The following FSD1 variants were observed in gnomAD, a reference collection of about 807,000 sequenced individuals.
The protein encoded by FSD1 is fibronectin type III and SPRY domain-containing protein 1.
Under a neutral mutation model 58.2 loss-of-function variants are expected in FSD1, and 23 were observed. The observed-to-expected ratio is 0.40, with a 90% CI of 0.28 to 0.56. The LOEUF (loss-of-function observed/expected upper bound fraction) is 0.56. FSD1 is among the 20% of genes least tolerant of loss of function. The probability of loss-of-function intolerance (pLI) is 0.54; values close to 1 mark genes in which losing one functional copy is unlikely to be tolerated. For missense variants in FSD1, 563 were observed against 670.8 expected (o/e 0.84, Z 1.78); for synonymous variants, 265 against 263.4 (o/e 1.01, Z -0.06).
In FSD1 at chr19:4,323,226, A is replaced by G; in HGVS notation, c.1280A>G (p.Asp427Gly). The G allele has an allele frequency of 6.2e-7, 1 of 1,604,930 alleles. No homozygotes were observed. ...CCCGACTGCCTGGGTGTGCACTGTG[A>G]CTTCCACCAAGGTGACCCCAAGCCC... Reference protein sequence around the residue: ...PVPDCLGVHCDFHQGLLSFYN... With the variant: ...PVPDCLGVHCGFHQGLLSFYN... Residue 427 changes from aspartate to glycine, a missense_variant, in exon 11 of 13, where the codon GAC (aspartate) becomes GGC (glycine). Transcript: ENST00000221856. This position sits in a 1 kb window ranked among gnomAD's most constrained non-coding sequence, Gnocchi z 7.7.
At chr19:4,312,579 C>T (rs1220168222) in intron 7 of FSD1, among the ~76,000 whole-genome samples, 4 of 151,554 alleles carry the variant, frequency 2.6e-5, no homozygotes, top group East Asian at 2.0e-4. Context: ...CGAGGCGGGC[C>T]GATCACAAGG....
chr19:4,312,320 C>A (rs1971702488), intron 7 of FSD1, among the ~76,000 whole-genome samples: 1 of 151,682 alleles, frequency 6.6e-6, no homozygotes, highest in Non-Finnish European at 1.5e-5. Context: ...GAAACCCTAT[C>A]TCTACTAAAA....
rs1396463534 is a variant in FSD1 at position 4,306,347 on chromosome 19, C to T, written c.243+18C>T. On this transcript the variant is annotated intron_variant, in intron 3 of 12. Coordinates refer to ENST00000221856, the MANE Select transcript of FSD1 (RefSeq NM_024333.3). ...AGCTGCAGGTGAGGGCTGAGGGCAT[C>T]TTCCTCTCCCCCCGCCCCTCCTACT... 6.2e-7 allele frequency: 1 copy of T among 1,612,556 alleles called. No individual in the cohort carries two copies. The highest frequency in any genetic ancestry group is 1.7e-5 in the Admixed American group (1 of 59,978).
chr19:4,323,050 G>C lies in FSD1; in HGVS notation c.1104G>C (p.Ala368=), dbSNP rs575863653. The C allele has an allele frequency of 3.5e-5, 56 of 1,611,882 alleles. No individual in the cohort carries two copies. The Admixed American group carries it at 9.2e-4, about 26-fold the overall frequency. Residue 368 remains alanine (A), a synonymous_variant, in exon 11 of 13, where the codon GCG becomes GCC. Transcript: ENST00000221856. The surrounding 1 kb of genome is among the most constrained non-coding windows in gnomAD (Gnocchi z 7.7). ...WEVRYEPDSK[A]FGVGVAYRSL... Reference sequence around the variant, plus strand: ...TGCGCTACGAGCCGGACAGCAAGGCGTTCGGCGTGGGCGTGGCCTACCGCA... The same window carrying C: ...TGCGCTACGAGCCGGACAGCAAGGCCTTCGGCGTGGGCGTGGCCTACCGCA...
intron 4 of FSD1, among the ~76,000 whole-genome samples, chr19:4,308,205 C>G (rs577353847): frequency 6.6e-6 from 1 of 152,056 alleles, no homozygotes; most frequent in Admixed American, 6.6e-5. Context: ...GTCAGGAGTT[C>G]AAGACTAGCC....
At chr19:4,308,903 G>A (rs376643777) in intron 4 of FSD1, among the ~76,000 whole-genome samples, 42 of 147,150 alleles carry the variant, frequency 2.9e-4, no homozygotes, top group African/African-American at 9.4e-4. Context: ...GTGAAACCCC[G>A]TCTCTACTAA....
At chr19:4,312,161 G>A in intron 7 of FSD1, 110 bp downstream of exon 7, 1 of 975,166 alleles carries the variant, frequency 1.0e-6, no homozygotes, top group South Asian at 1.6e-5. Flanking sequence ...AAAGCTCATG[G>A]GGTCTGGAAG....
In FSD1 at chr19:4,323,085, G is replaced by A. The variant is rs1971721455; in HGVS notation, c.1139G>A (p.Arg380His). The A allele has an allele frequency of 6.2e-7, 1 of 1,610,176 alleles. No homozygotes were observed. Among genetic ancestry groups the A allele is most frequent in the Non-Finnish European group, 8.5e-7 (1 of 1,179,740 alleles). The change falls in exon 11 of 13, where the codon CGC becomes CAC. Residue 380 changes from arginine (R) to histidine (H), a missense_variant. Transcript: ENST00000221856. The surrounding 1 kb of genome is among the most constrained non-coding windows in gnomAD (Gnocchi z 7.7). ...GGCGTGGCCTACCGCAGCCTGGGCC[G>A]CTTCGAGCAACTGGGCAAGACGGCC... ...GVGVAYRSLGRFEQLGKTAAS... is the reference protein window; with the variant it reads ...GVGVAYRSLGHFEQLGKTAAS...
At chr19:4,308,666 A>T (rs1415218521) in intron 4 of FSD1, among the ~76,000 whole-genome samples, 1 of 152,110 alleles carries the variant, frequency 6.6e-6, no homozygotes, top group Non-Finnish European at 1.5e-5. Context: ...GACCATCCTA[A>T]CACAGTGAAA....
At chr19:4,309,777 C>A (rs949947718) in intron 4 of FSD1, among the ~76,000 whole-genome samples, 2 of 151,586 alleles carry the variant, frequency 1.3e-5, no homozygotes, top group Non-Finnish European at 2.9e-5. Context: ...GGTGTGGTGG[C>A]GGGCGCCTGT....
At chr19:4,322,567 G>T (rs1463221971) in intron 10 of FSD1, among the ~76,000 whole-genome samples, 1 of 150,964 alleles carries the variant, frequency 6.6e-6, no homozygotes, top group Non-Finnish European at 1.5e-5. Flanking sequence ...GGAGGGAATA[G>T]CTGGGGCCCA....
chr19:4,316,435 G>A (rs909887429), intron 7 of FSD1, among the ~76,000 whole-genome samples: 3 of 150,974 alleles, frequency 2.0e-5, no homozygotes, highest in African/African-American at 7.3e-5. Context: ...TGGCCAGGCT[G>A]GTCTTGAACG....
At chr19:4,314,528 C>A (rs1440591192) in intron 7 of FSD1, among the ~76,000 whole-genome samples, 2 of 151,446 alleles carry the variant, frequency 1.3e-5, no homozygotes, top group East Asian at 3.9e-4. Context: ...GCTTTGTCGC[C>A]CAGGCTGGAG....
intron 8 of FSD1, 94 bp from the exon 9 acceptor site, chr19:4,318,252 T>A (rs1971776103): frequency 1.3e-6 from 2 of 1,519,400 alleles, no homozygotes; most frequent in African/African-American, 2.7e-5. Context: ...TGTCCCTGTC[T>A]TGGTCTGTCT....
At chr19:4,321,223 G>T (rs965106884) in intron 10 of FSD1, among the ~76,000 whole-genome samples, 1 of 150,956 alleles carries the variant, frequency 6.6e-6, no homozygotes, top group Admixed American at 6.6e-5. Context: ...AGTATCTGGG[G>T]GGAATAGCTG....
chr19:4,315,283 C>T (rs1304220018), intron 7 of FSD1, among the ~76,000 whole-genome samples: 1 of 149,556 alleles, frequency 6.7e-6, no homozygotes, highest in Admixed American at 6.7e-5. Flanking sequence ...TATAGGCATG[C>T]GCCCCAACGC....
Position 4,311,861 on chromosome 19 carries a change from C to A in FSD1, c.510C>A (p.Ile170=), listed in dbSNP as rs774997278. 2.5e-6 allele frequency: 4 copies of A among 1,614,042 alleles called. No individual in the cohort carries two copies. In the South Asian group the frequency reaches 4.4e-5, roughly 18 times the overall value. The change falls in exon 7 of 13, where the codon ATC becomes ATA. Residue 170 remains isoleucine, a synonymous_variant. Coordinates refer to ENST00000221856, the MANE Select transcript of FSD1 (RefSeq NM_024333.3). ...KFLPVPSAPV[I]DLAESLVADN... is the part of the protein sequence containing the mutation. Reference sequence around the variant, plus strand: ...GGTCAGTGCCCAGCGCACCCGTGATCGACCTGGCTGAGTCCCTGGTGGCAG... The same window carrying A: ...GGTCAGTGCCCAGCGCACCCGTGATAGACCTGGCTGAGTCCCTGGTGGCAG...
intron 8 of FSD1, 71 bp downstream of exon 8, chr19:4,317,351 G>T: frequency 1.0e-6 from 1 of 955,686 alleles, no homozygotes; most frequent in South Asian, 1.3e-5. Context: ...CAGAGACCAT[G>T]AGAATCCTCG....
At position 4,323,574 on chromosome 19, in the gene FSD1, C is replaced by T. The variant is rs1046580; in HGVS notation, c.1422C>T (p.Val474=). Reference sequence around the variant, plus strand: ...TCCAGGTGACGACAGGCCTGCAGGTCCCCAGTGCTGTGCGCTGCCTGCAAA... The same window carrying T: ...TCCAGGTGACGACAGGCCTGCAGGTTCCCAGTGCTGTGCGCTGCCTGCAAA... ...GSFQVTTGLQ[V]PSAVRCLQKR... The change falls in exon 13 of 13, where the codon GTC becomes GTT. Residue 474 remains valine (V), a synonymous_variant. Coordinates refer to ENST00000221856, the MANE Select transcript of FSD1 (RefSeq NM_024333.3). This position sits in a 1 kb window ranked among gnomAD's most constrained non-coding sequence, Gnocchi z 7.7. The T allele has an allele frequency of 0.027, 42,930 of 1,612,838 alleles. 632 individuals carry two copies. Among genetic ancestry groups the T allele is most frequent in the Non-Finnish European group, 0.031 (36,874 of 1,179,466 alleles).
Sources: gnomAD v4.1 joint callset for allele counts (sites outside exome capture counted in the v4.1 genomes callset) on GRCh38, gnomAD v4.1.1 for gene constraint, Gnocchi (gnomAD v3.1) non-coding constraint, MANE v1.5 for transcripts, NCBI Gene and HGNC (gene_info 2026-07-23, HGNC 2026-07-21) for gene names.